PLXDC1: variants seen among roughly 807,000 people sequenced by gnomAD.
The protein encoded by PLXDC1 is plexin domain containing 1.
A neutral mutation model predicts 61.3 loss-of-function variants in PLXDC1; 39 were observed. The observed-to-expected ratio is 0.64, with a 90% CI of 0.49 to 0.83. The LOEUF (loss-of-function observed/expected upper bound fraction) is 0.83, where lower values mean the gene tolerates loss of function less well. Ranked by LOEUF, PLXDC1 falls within the 40% of genes least tolerant of loss-of-function variation. The pLI is 0.00. For synonymous variants in PLXDC1, 212 were observed against 254.5 expected, an observed-to-expected ratio of 0.83 and a Z score of 1.59; for missense variants, 596 against 666.5, an observed-to-expected ratio of 0.89 and a Z score of 1.17.
chr17:39,095,468 C>T (rs1172858710), intron 7 of PLXDC1, among the ~76,000 whole-genome samples: 1 of 146,200 alleles, frequency 6.8e-6, no homozygotes, highest in Non-Finnish European at 1.5e-5. Context: ...CCATGACCAA[C>T]AGATCCTTTC....
intron 2 of PLXDC1, among the ~76,000 whole-genome samples, chr17:39,138,975 C>T (rs1192980669): frequency 1.3e-5 from 2 of 152,098 alleles, no homozygotes; most frequent in East Asian, 3.9e-4. Context: ...AATCATCTGA[C>T]ACAGGTGCGA....
chr17:39,143,020 C>T (rs1012023398), intron 1 of PLXDC1, among the ~76,000 whole-genome samples: 1 of 152,120 alleles, frequency 6.6e-6, no homozygotes, highest in Non-Finnish European at 1.5e-5. Context: ...CACCCATAAT[C>T]CCAGCTACTC....
At chr17:39,145,164 G>C (rs769373582) in intron 1 of PLXDC1, among the ~76,000 whole-genome samples, 1 of 152,270 alleles carries the variant, frequency 6.6e-6, no homozygotes, top group South Asian at 2.1e-4. Context: ...GGGCAGCCCC[G>C]GGGTGGGGCT....
intron 7 of PLXDC1, among the ~76,000 whole-genome samples, chr17:39,100,550 T>C (rs1910386335): frequency 6.6e-6 from 1 of 152,202 alleles, no homozygotes; most frequent in Non-Finnish European, 1.5e-5. Flanking sequence ...CCACCGTGCC[T>C]GGCCGCTGGC....
intron 7 of PLXDC1, among the ~76,000 whole-genome samples, chr17:39,101,146 T>C (rs1910405393): frequency 6.6e-6 from 1 of 152,200 alleles, no homozygotes; most frequent in Non-Finnish European, 1.5e-5. Context: ...GACTGCTCCA[T>C]ACACATATGG....
intron 8 of PLXDC1, among the ~76,000 whole-genome samples, chr17:39,084,384 T>C (rs1361063765): frequency 1.3e-5 from 2 of 152,230 alleles, no homozygotes; most frequent in African/African-American, 4.8e-5. Context: ...ATATGTTAAC[T>C]GCTTCATCAT....
At chr17:39,082,340 G>T (rs912100873) in intron 9 of PLXDC1, among the ~76,000 whole-genome samples, 60 of 152,260 alleles carry the variant, frequency 3.9e-4, no homozygotes, top group African/African-American at 1.4e-3. Flanking sequence ...ATTACCTGAG[G>T]TCAAGAGTTT....
intron 2 of PLXDC1, chr17:39,113,301 A>T (rs1354970345): frequency 2.0e-5 from 3 of 152,240 alleles, no homozygotes; most frequent in Non-Finnish European, 2.9e-5. Context: ...TCTGGCCTCC[A>T]GAACTGCAAG....
In PLXDC1 at chr17:39,070,330, G is replaced by A. The variant is rs375331129; in HGVS notation, c.1223-314C>T. On this transcript the variant is annotated intron_variant, in intron 12 of 13. Coordinates refer to ENST00000315392, the MANE Select transcript of PLXDC1 (RefSeq NM_020405.5). Reference sequence around the variant, plus strand: ...TATTAAGGAATTCACAAAGGGCATCGGAGGGTTAAGAGTTTGGGATCTGAA... The same window carrying A: ...TATTAAGGAATTCACAAAGGGCATCAGAGGGTTAAGAGTTTGGGATCTGAA... 29 of 219,152 alleles carry A rather than the reference G, an allele frequency of 1.3e-4. 1 individual carries two copies. In the East Asian group the frequency reaches 1.4e-3, roughly 10 times the overall value. The allele number at this position is 219,152 out of a possible 1,614,324, so 13.6% of individuals were successfully genotyped here.
intron 2 of PLXDC1, among the ~76,000 whole-genome samples, chr17:39,129,414 C>T (rs373890298): frequency 2.6e-5 from 4 of 151,102 alleles, no homozygotes; most frequent in African/African-American, 7.3e-5. Context: ...GTCAGGAGAT[C>T]GAGTCCATCC....
intron 2 of PLXDC1, among the ~76,000 whole-genome samples, chr17:39,130,682 C>T (rs1461254091): frequency 6.6e-6 from 1 of 152,004 alleles, no homozygotes; most frequent in African/African-American, 2.4e-5. Context: ...CCTGCCTCAG[C>T]CTCCCAAGCA....
At chr17:39,136,105 T>C (rs1324909323) in intron 2 of PLXDC1, among the ~76,000 whole-genome samples, 2 of 152,168 alleles carry the variant, frequency 1.3e-5, no homozygotes, top group Admixed American at 1.3e-4. Context: ...CTGCCAGGTG[T>C]CTCCTTAATC....
rs1908788282 is a variant in PLXDC1, at chr17:39,063,573, A to C, written c.*4267T>G. 1 of 691,696 alleles carries C rather than the reference A, an allele frequency of 1.4e-6. No individual in the cohort carries two copies. The highest frequency in any genetic ancestry group is 2.6e-6 in the Non-Finnish European group (1 of 381,060). 42.8% of individuals were successfully genotyped at this position (691,696 alleles called of 1,614,324 possible). A position where few individuals can be genotyped will look rare whatever the true frequency, so the allele number is the denominator to read the frequency against. On this transcript the variant is annotated 3_prime_UTR_variant, in exon 14 of 14. Coordinates refer to ENST00000315392, the MANE Select transcript of PLXDC1 (RefSeq NM_020405.5). ...TATGTGTGGTGATCTTCGGAATGCCACTCCAAATCCTTTGCACTTTCTTTT... is the reference window on the plus strand; with the variant it reads ...TATGTGTGGTGATCTTCGGAATGCCCCTCCAAATCCTTTGCACTTTCTTTT...
chr17:39,094,591 G>A (rs966956883), intron 7 of PLXDC1, among the ~76,000 whole-genome samples: 7 of 151,908 alleles, frequency 4.6e-5, no homozygotes, highest in East Asian at 1.9e-4. Context: ...GGCCACTCCC[G>A]CAGCCAGACC....
chr17:39,069,821 C>T, intron 13 of PLXDC1, 35 bp downstream of exon 13: 1 of 1,581,874 alleles, frequency 6.3e-7, no homozygotes, highest in Non-Finnish European at 8.7e-7. Flanking sequence ...GACGCAGAAG[C>T]AGACAGGAGC....
At chr17:39,079,888 C>T (rs1052992083) in intron 9 of PLXDC1, 3 of 267,592 alleles carry the variant, frequency 1.1e-5, no homozygotes, top group African/African-American at 2.2e-5. Context: ...AGAAGGAATT[C>T]TCAGCAGGTT....
intron 2 of PLXDC1, among the ~76,000 whole-genome samples, chr17:39,138,734 T>A (rs1380384519): frequency 6.6e-5 from 10 of 151,618 alleles, no homozygotes; most frequent in African/African-American, 2.4e-4. Flanking sequence ...TTTTTTTTTT[T>A]AACTGTCAGC....
At chr17:39,072,059 A>G in intron 12 of PLXDC1, 1 of 213,442 alleles carries the variant, frequency 4.7e-6, no homozygotes, top group Admixed American at 5.2e-5. Flanking sequence ...AGGAAAGAGA[A>G]GCTGCTCTCC....
At chr17:39,143,362 C>A (rs1317273939) in intron 1 of PLXDC1, among the ~76,000 whole-genome samples, 2 of 152,204 alleles carry the variant, frequency 1.3e-5, no homozygotes, top group African/African-American at 4.8e-5. Context: ...TGCCTTCCCC[C>A]AGCCCACTCC....
Sources: allele counts gnomAD v4.1 joint callset (sites outside exome capture counted in the v4.1 genomes callset), GRCh38; gene constraint gnomAD v4.1.1; transcripts MANE v1.5; gene names NCBI Gene and HGNC (gene_info 2026-07-23, HGNC 2026-07-21).